Variants in LPP observed in about 807,000 individuals in gnomAD.
The protein encoded by LPP is lipoma-preferred partner.
A neutral mutation model predicts 60.4 loss-of-function variants in LPP; 38 were observed. That is an observed-to-expected ratio of 0.63 (90% CI 0.49 to 0.83). LPP has a LOEUF of 0.83. Among genes scored for constraint, LPP ranks in the 40% least tolerant of loss-of-function variants. The pLI, the probability that LPP is intolerant of heterozygous loss-of-function variation, is 0.00. For missense variants in LPP, 902 were observed against 783.6 expected (o/e 1.15, Z -1.80); for synonymous variants, 328 against 290.8 (o/e 1.13, Z -1.30).
chr3:188,360,274 G>T (rs1768885745), intron 3 of LPP, among the ~76,000 whole-genome samples: 1 of 152,092 alleles, frequency 6.6e-6, no homozygotes, highest in South Asian at 2.1e-4. Flanking sequence ...AATTTGTATT[G>T]CACTCCCAGA....
intron 8 of LPP, among the ~76,000 whole-genome samples, chr3:188,717,573 G>GA (rs895208722): frequency 1.2e-4 from 18 of 152,024 alleles, no homozygotes; most frequent in African/African-American, 4.1e-4. Flanking sequence ...GATTTGGGGG[G>GA]AAAAATGGGT....
intron 2 of LPP, among the ~76,000 whole-genome samples, chr3:188,310,828 T>G (rs988913876): frequency 6.6e-6 from 1 of 152,144 alleles, no homozygotes; most frequent in Non-Finnish European, 1.5e-5. Flanking sequence ...TTATTATTAT[T>G]GCTATTATTA....
chr3:188,668,708 C>A (rs1209959754), intron 7 of LPP, among the ~76,000 whole-genome samples: 1 of 152,164 alleles, frequency 6.6e-6, no homozygotes, highest in African/African-American at 2.4e-5. Flanking sequence ...GAGTCATTTG[C>A]TGTTTTTCCG....
chr3:188,556,083 G>A (rs897834495), intron 6 of LPP, among the ~76,000 whole-genome samples: 3 of 152,098 alleles, frequency 2.0e-5, no homozygotes, highest in Non-Finnish European at 2.9e-5. Context: ...TGGATCAAAT[G>A]CCATGAGGAT....
chr3:188,682,891 AT>A (rs1859844015), intron 7 of LPP, among the ~76,000 whole-genome samples: 1 of 152,168 alleles, frequency 6.6e-6, no homozygotes, highest in Admixed American at 6.5e-5. Flanking sequence ...GGATGTGTAT[AT>A]CATACTTGGC....
chr3:188,667,074 A>G (rs1450691936), intron 7 of LPP, among the ~76,000 whole-genome samples: 1 of 152,208 alleles, frequency 6.6e-6, no homozygotes, highest in Non-Finnish European at 1.5e-5. Flanking sequence ...CTGATTACGT[A>G]GGATTCATTT....
intron 7 of LPP, among the ~76,000 whole-genome samples, chr3:188,618,653 A>T (rs1010800435): frequency 6.6e-6 from 1 of 152,224 alleles, no homozygotes; most frequent in African/African-American, 2.4e-5. Flanking sequence ...TCCGGGACAT[A>T]ACATATATTT....
At chr3:188,745,330 T>A (rs1212584304) in intron 8 of LPP, among the ~76,000 whole-genome samples, 3 of 152,182 alleles carry the variant, frequency 2.0e-5, no homozygotes, top group Non-Finnish European at 4.4e-5. Context: ...ACATTATCTA[T>A]CACAAGTATT....
At chr3:188,527,157 C>G (rs1820818874) in intron 6 of LPP, among the ~76,000 whole-genome samples, 1 of 151,966 alleles carries the variant, frequency 6.6e-6, no homozygotes, top group Non-Finnish European at 1.5e-5. Context: ...TGGGACCAGC[C>G]TGGCCAACAT....
At chr3:188,381,389 C>A (rs561872043) in intron 3 of LPP, among the ~76,000 whole-genome samples, 10 of 152,128 alleles carry the variant, frequency 6.6e-5, no homozygotes, top group African/African-American at 1.9e-4. Flanking sequence ...TGAGCATTTA[C>A]CTTATTGGAA....
At chr3:188,666,469 A>T (rs1265452088) in intron 7 of LPP, among the ~76,000 whole-genome samples, 3 of 152,246 alleles carry the variant, frequency 2.0e-5, no homozygotes, top group African/African-American at 4.8e-5. Context: ...AGAAAGAATA[A>T]GAAACTGTAA....
At chr3:188,683,642 A>G (rs1451173678) in intron 7 of LPP, among the ~76,000 whole-genome samples, 2 of 152,218 alleles carry the variant, frequency 1.3e-5, no homozygotes, top group Admixed American at 6.5e-5. Flanking sequence ...ACAAAAAGGC[A>G]CAGGGCCCCA....
intron 5 of LPP, among the ~76,000 whole-genome samples, chr3:188,495,083 T>TATATATATATA (rs57578460): frequency 0.014 from 1,118 of 77,690 alleles, 42 homozygotes; most frequent in Middle Eastern, 0.064. Context: ...TATATATATA[T>TATATATATATA]TTTATTTATA....
At chr3:188,465,304 G>A (rs1349746346) in intron 4 of LPP, among the ~76,000 whole-genome samples, 2 of 152,110 alleles carry the variant, frequency 1.3e-5, no homozygotes, top group African/African-American at 4.8e-5. Context: ...ATGATGAGTG[G>A]GTTGGGATTA....
intron 2 of LPP, among the ~76,000 whole-genome samples, chr3:188,232,504 A>ATTTT (rs71634069): frequency 1.6e-4 from 17 of 103,224 alleles, no homozygotes; most frequent in African/African-American, 3.6e-4. Flanking sequence ...ACACCCGGCT[A>ATTTT]TTTTTTTTTT....
chr3:188,665,777 TG>T (rs1855664151), intron 7 of LPP, among the ~76,000 whole-genome samples: 1 of 152,228 alleles, frequency 6.6e-6, no homozygotes, highest in Non-Finnish European at 1.5e-5. Flanking sequence ...CATACTCTTT[TG>T]TTCCTAAATA....
At chr3:188,497,421 G>C (rs986981112) in intron 5 of LPP, among the ~76,000 whole-genome samples, 1 of 152,098 alleles carries the variant, frequency 6.6e-6, no homozygotes, top group African/African-American at 2.4e-5. Context: ...TTATTCGTGA[G>C]CTTTAATTCT....
In LPP at chr3:188,880,187, C is replaced by T. The variant is rs141089357; in HGVS notation, c.*5708C>T. ...CTGGGACTACAGGCGCCTGCCACCA[C>T]GCCCGGCTAATTTTTTTGTATTTTT... On this transcript the variant is annotated 3_prime_UTR_variant, in exon 12 of 12. Coordinates refer to ENST00000617246, the MANE Select transcript of LPP (RefSeq NM_001375462.1). 4.3e-4 allele frequency: 70 copies of T among 162,210 alleles called. No homozygotes were observed. Among genetic ancestry groups the T allele is most frequent in the Admixed American group, 9.7e-4 (15 of 15,492 alleles). The allele number at this position is 162,210 out of a possible 1,614,324, so 10.0% of individuals were successfully genotyped here.
Position 188,885,740 on chromosome 3 carries a change from T to C in LPP, c.*11261T>C, listed in dbSNP as rs1406652660. On this transcript the variant is annotated 3_prime_UTR_variant, in exon 12 of 12. Coordinates refer to ENST00000617246, the MANE Select transcript of LPP (RefSeq NM_001375462.1). ...CTGACTTCCACAATGGTTGAACTAG[T>C]TCACAGTCCCACCAACAGTGTAAAA... is the stretch of plus-strand genomic sequence containing the variant. 1 of 152,338 alleles carries C rather than the reference T, an allele frequency of 6.6e-6. No homozygotes were observed. Among genetic ancestry groups the C allele is most frequent in the Non-Finnish European group, 1.5e-5 (1 of 68,152 alleles). The allele number at this position is 152,338 out of a possible 1,614,324, so 9.4% of individuals were successfully genotyped here. A position where few individuals can be genotyped will look rare whatever the true frequency, so the allele number is the denominator to read the frequency against.
Sources: gnomAD v4.1 joint callset for allele counts (sites outside exome capture counted in the v4.1 genomes callset) on GRCh38, gnomAD v4.1.1 for gene constraint, MANE v1.5 for transcripts, NCBI Gene and HGNC (gene_info 2026-07-23, HGNC 2026-07-21) for gene names.